The following PTPRD variants were observed in gnomAD, a reference collection of about 807,000 sequenced individuals.
The protein encoded by PTPRD is receptor-type tyrosine-protein phosphatase delta.
A neutral mutation model predicts 214.5 loss-of-function variants in PTPRD; 34 were observed. The ratio of observed to expected loss-of-function variants is 0.16; its 90% CI spans 0.12 to 0.21. PTPRD has a LOEUF of 0.21. Among genes scored for constraint, PTPRD ranks in the 10% least tolerant of loss-of-function variants. The pLI is 1.00. For missense variants in PTPRD, 2,545 were observed against 2,398.7 expected (o/e 1.06, Z -1.27); for synonymous variants, 1,128 against 845.7 (o/e 1.33, Z -5.79).
chr9:8,580,922 T>C (rs2093010893), intron 14 of PTPRD, among the ~76,000 whole-genome samples: 1 of 152,208 alleles, frequency 6.6e-6, no homozygotes, highest in South Asian at 2.1e-4. Flanking sequence ...TATTTCCCAA[T>C]AGGTTTGCTG....
chr9:9,816,375 C>T (rs139543344), intron 5 of PTPRD, among the ~76,000 whole-genome samples: 15 of 152,004 alleles, frequency 9.9e-5, no homozygotes, highest in African/African-American at 3.6e-4. Flanking sequence ...AGATCAACCA[C>T]ATTATCGATT....
rs773912169 is a variant in PTPRD at position 8,840,228 on chromosome 9, T to G, written c.-103-106282A>C. Among the ~76,000 whole-genome samples the G allele has an allele frequency of 5.0e-4, 76 of 152,202 alleles. 2 individuals are homozygous for G. Among genetic ancestry groups the G allele is most frequent in the Non-Finnish European group, 2.6e-4 (18 of 68,038 alleles). ...TCCCCACCCAAATCTCATCTTGAAT[T>G]CCACGTGTTGTAGGAGATACCTGGT... On this transcript the variant is annotated intron_variant, in intron 11 of 45. Transcript: ENST00000381196.
chr9:9,390,651 T>C (rs1473577392), intron 9 of PTPRD, among the ~76,000 whole-genome samples: 1 of 152,212 alleles, frequency 6.6e-6, no homozygotes, highest in Non-Finnish European at 1.5e-5. Context: ...GTAGATCTCA[T>C]TACAACTTTT....
chr9:9,274,765 T>C (rs1944314819), intron 9 of PTPRD, among the ~76,000 whole-genome samples: 1 of 150,830 alleles, frequency 6.6e-6, no homozygotes, highest in Non-Finnish European at 1.5e-5. Flanking sequence ...CACACAGAAT[T>C]CAAATTTTGT....
chr9:10,232,491 A>G (rs1343488395), intron 3 of PTPRD, among the ~76,000 whole-genome samples: 1 of 151,994 alleles, frequency 6.6e-6, no homozygotes, highest in African/African-American at 2.4e-5. Flanking sequence ...ACAACAAAGC[A>G]TCACTTCTAC....
intron 43 of PTPRD, among the ~76,000 whole-genome samples, chr9:8,332,475 G>C (rs752302993): frequency 6.6e-6 from 1 of 152,124 alleles, no homozygotes; most frequent in African/African-American, 2.4e-5. Flanking sequence ...CTGAAAAAGA[G>C]CTCTCCCTGG....
At chr9:8,568,838 C>G (rs1192738520) in intron 14 of PTPRD, among the ~76,000 whole-genome samples, 1 of 151,902 alleles carries the variant, frequency 6.6e-6, no homozygotes, top group Non-Finnish European at 1.5e-5. Flanking sequence ...TGTTGGTCTT[C>G]TAAGTTCTCG....
chr9:9,408,360 G>T (rs1032457320), intron 8 of PTPRD, among the ~76,000 whole-genome samples: 1 of 151,662 alleles, frequency 6.6e-6, no homozygotes, highest in Non-Finnish European at 1.5e-5. Flanking sequence ...TCATAAGCAC[G>T]ACAAGCATTT....
chr9:9,483,602 C>T (rs1281766770), intron 8 of PTPRD, among the ~76,000 whole-genome samples: 3 of 151,964 alleles, frequency 2.0e-5, no homozygotes, highest in Non-Finnish European at 4.4e-5. Flanking sequence ...AAAAACATCA[C>T]ATTTTGGTCT....
chr9:8,953,850 G>A (rs376601148), intron 11 of PTPRD, among the ~76,000 whole-genome samples: 3 of 151,814 alleles, frequency 2.0e-5, no homozygotes, highest in African/African-American at 7.3e-5. Context: ...AAAAATAACA[G>A]ATATTGGCAA....
chr9:9,747,492 G>C (rs940417836), intron 6 of PTPRD, among the ~76,000 whole-genome samples: 15 of 151,322 alleles, frequency 9.9e-5, no homozygotes, highest in African/African-American at 3.6e-4. Context: ...TATACTATTT[G>C]GGGAAAAATG....
At chr9:10,008,154 C>T (rs1392968369) in intron 4 of PTPRD, among the ~76,000 whole-genome samples, 1 of 151,884 alleles carries the variant, frequency 6.6e-6, no homozygotes, top group African/African-American at 2.4e-5. Flanking sequence ...CCTGTTGGCC[C>T]AGGGAACCTC....
At position 9,295,993 on chromosome 9, in the gene PTPRD, T is replaced by C. The variant is rs1952871805; in HGVS notation, c.-203+101456A>G. 5.3e-5 allele frequency among the ~76,000 whole-genome samples: 8 copies of C among 151,828 alleles called. No homozygotes were observed. The South Asian group carries it at 1.7e-3, about 31-fold the overall frequency. On this transcript the variant is annotated intron_variant, in intron 9 of 45. Coordinates refer to ENST00000381196, the MANE Select transcript of PTPRD (RefSeq NM_002839.4). ...TTTAAAAAAGCTTCCTAATATTACA[T>C]GATACCTCAGGTTTTTTGTTTGTTT...
At chr9:9,558,462 G>A (rs1262080559) in intron 8 of PTPRD, among the ~76,000 whole-genome samples, 1 of 152,150 alleles carries the variant, frequency 6.6e-6, no homozygotes, top group Non-Finnish European at 1.5e-5. Flanking sequence ...TTGATACACA[G>A]GTTTTGTCAC....
intron 7 of PTPRD, among the ~76,000 whole-genome samples, chr9:9,706,550 C>T (rs144383703): frequency 7.9e-4 from 120 of 152,142 alleles, no homozygotes; most frequent in African/African-American, 2.8e-3. Context: ...AGCAATTCTC[C>T]TGCTTCAGCC....
chr9:8,925,183 A>T (rs569082285), intron 11 of PTPRD, among the ~76,000 whole-genome samples: 1 of 152,084 alleles, frequency 6.6e-6, no homozygotes, highest in South Asian at 2.1e-4. Context: ...ATTACTCCCT[A>T]TGTGATGATG....
chr9:8,618,062 A>G (rs1265161131), intron 14 of PTPRD, among the ~76,000 whole-genome samples: 1 of 152,136 alleles, frequency 6.6e-6, no homozygotes, highest in African/African-American at 2.4e-5. Context: ...ACTGAGTAGA[A>G]CTGTGAGGAT....
intron 4 of PTPRD, among the ~76,000 whole-genome samples, chr9:10,031,647 T>TATATATATATATATAC: frequency 6.7e-5 from 6 of 89,648 alleles, no homozygotes; most frequent in African/African-American, 4.9e-4. Flanking sequence ...TATATATATA[T>TATATATATATATATAC]ACACACACAC....
intron 12 of PTPRD, among the ~76,000 whole-genome samples, chr9:8,729,601 T>A (rs1414096573): frequency 6.6e-6 from 1 of 152,216 alleles, no homozygotes; most frequent in Non-Finnish European, 1.5e-5. Flanking sequence ...CAGCAAATCC[T>A]CGCAAAACCC....
Sources: gnomAD v4.1 joint callset for allele counts (sites outside exome capture counted in the v4.1 genomes callset) on GRCh38, gnomAD v4.1.1 for gene constraint, MANE v1.5 for transcripts, NCBI Gene and HGNC (gene_info 2026-07-23, HGNC 2026-07-21) for gene names.